The following NTNG1 variants were observed in gnomAD, a reference collection of about 807,000 sequenced individuals.
NTNG1 encodes the protein netrin-G1.
Under a neutral mutation model 54.0 loss-of-function variants are expected in NTNG1, and 16 were observed. The ratio of observed to expected loss-of-function variants is 0.30; its 90% CI spans 0.20 to 0.45. The LOEUF is 0.45. Ranked by LOEUF, NTNG1 falls within the 20% of genes least tolerant of loss-of-function variation. The pLI is 1.00. For missense variants in NTNG1, 530 were observed against 678.7 expected (o/e 0.78, Z 2.43); for synonymous variants, 255 against 263.1 (o/e 0.97, Z 0.30).
At chr1:107,350,694 A>AATGTCATTTGT (rs1669548368) in intron 3 of NTNG1, among the ~76,000 whole-genome samples, 1 of 152,202 alleles carries the variant, frequency 6.6e-6, no homozygotes, top group African/African-American at 2.4e-5. Context: ...ATTTGTGACA[A>AATGTCATTTGT]CATTGATGAG....
At chr1:107,400,769 C>T (rs1312387922) in intron 4 of NTNG1, among the ~76,000 whole-genome samples, 3 of 152,002 alleles carry the variant, frequency 2.0e-5, no homozygotes, top group Non-Finnish European at 4.4e-5. Context: ...CCACCTTAGC[C>T]TCCCAAGTAG....
intron 7 of NTNG1, among the ~76,000 whole-genome samples, chr1:107,443,528 G>A (rs1676111329): frequency 6.6e-6 from 1 of 151,968 alleles, no homozygotes; most frequent in South Asian, 2.1e-4. Context: ...CAAATATCTT[G>A]CGCCTAACTT....
chr1:107,149,612 T>C (rs1372676773), intron 2 of NTNG1, among the ~76,000 whole-genome samples: 3 of 152,172 alleles, frequency 2.0e-5, no homozygotes, highest in Non-Finnish European at 4.4e-5. Context: ...CATAGAAAGT[T>C]AAATACCATG....
intron 2 of NTNG1, among the ~76,000 whole-genome samples, chr1:107,167,714 T>TA (rs1224838418): frequency 6.6e-6 from 1 of 152,036 alleles, no homozygotes; most frequent in Non-Finnish European, 1.5e-5. Flanking sequence ...GGCACTGTCT[T>TA]AAATGCCTAA....
At chr1:107,437,708 A>T (rs577908793) in intron 7 of NTNG1, among the ~76,000 whole-genome samples, 34 of 152,310 alleles carry the variant, frequency 2.2e-4, no homozygotes, top group African/African-American at 7.9e-4. Context: ...AATAACTATT[A>T]TATTTAGCTC....
chr1:107,372,189 T>G (rs1016785215), intron 3 of NTNG1, among the ~76,000 whole-genome samples: 2 of 152,068 alleles, frequency 1.3e-5, no homozygotes, highest in African/African-American at 2.4e-5. Flanking sequence ...TGCTTTGGTA[T>G]TCATTAAGCA....
chr1:107,196,941 G>GGT (rs142364219), intron 2 of NTNG1, among the ~76,000 whole-genome samples: 10 of 151,408 alleles, frequency 6.6e-5, no homozygotes, highest in Non-Finnish European at 4.4e-5. Context: ...TTCTCGGGCG[G>GGT]GTGTGTGTGT....
At chr1:107,317,303 G>T (rs1667389877) in intron 2 of NTNG1, among the ~76,000 whole-genome samples, 1 of 152,048 alleles carries the variant, frequency 6.6e-6, no homozygotes, top group Non-Finnish European at 1.5e-5. Context: ...TTTAAAATCT[G>T]TGCTCTGATC....
rs17019055 is a variant in NTNG1, at chr1:107,434,694, A to G, written c.1256-1971A>G. ...AGACACTTTTAATACCTGTAAATCA[A>G]TTCTAGTATAACTTTTAAATGAAGC... On this transcript the variant is annotated intron_variant, in intron 6 of 7. Transcript: ENST00000370068. 5.8e-3 allele frequency among the ~76,000 whole-genome samples: 884 copies of G among 152,264 alleles called. 13 individuals are homozygous for G. The highest frequency in any genetic ancestry group is 0.02 in the African/African-American group (845 of 41,556).
At chr1:107,268,246 A>G (rs1557857321) in intron 2 of NTNG1, among the ~76,000 whole-genome samples, 1 of 152,056 alleles carries the variant, frequency 6.6e-6, no homozygotes, top group Non-Finnish European at 1.5e-5. Flanking sequence ...GGCTTTCTCT[A>G]CTTCTTTTAC....
chr1:107,448,926 G>A (rs1008183750), intron 7 of NTNG1, among the ~76,000 whole-genome samples: 1 of 151,940 alleles, frequency 6.6e-6, no homozygotes, highest in African/African-American at 2.4e-5. Flanking sequence ...ATTGCATTTG[G>A]TTATGAATAT....
chr1:107,383,756 T>G (rs1435081185), intron 3 of NTNG1, among the ~76,000 whole-genome samples: 3 of 152,236 alleles, frequency 2.0e-5, no homozygotes, highest in Non-Finnish European at 4.4e-5. Context: ...CTTAACACTA[T>G]GTTACCCTAT....
At chr1:107,460,320 C>T in intron 7 of NTNG1, 1 of 509,070 alleles carries the variant, frequency 2.0e-6, no homozygotes, top group South Asian at 1.5e-5. Context: ...CATGACATCG[C>T]TCCTCTGCTC....
chr1:107,208,090 G>A (rs1659330756), intron 2 of NTNG1, among the ~76,000 whole-genome samples: 1 of 152,126 alleles, frequency 6.6e-6, no homozygotes, highest in Non-Finnish European at 1.5e-5. Flanking sequence ...AGGCATGTGT[G>A]TTCCCTTGAG....
chr1:107,453,155 G>T (rs1676724888), intron 7 of NTNG1, among the ~76,000 whole-genome samples: 1 of 152,160 alleles, frequency 6.6e-6, no homozygotes, highest in African/African-American at 2.4e-5. Flanking sequence ...GTGAAAGAAA[G>T]AATTTTCTCT....
intron 3 of NTNG1, among the ~76,000 whole-genome samples, chr1:107,378,671 T>C (rs1460341812): frequency 6.6e-6 from 1 of 152,100 alleles, no homozygotes; most frequent in Non-Finnish European, 1.5e-5. Flanking sequence ...AAGCCCAAGG[T>C]ACAGGTTCAC....
intron 4 of NTNG1, among the ~76,000 whole-genome samples, chr1:107,397,326 C>G (rs1211803899): frequency 6.6e-6 from 1 of 152,190 alleles, no homozygotes; most frequent in Non-Finnish European, 1.5e-5. Flanking sequence ...AAACTATCTG[C>G]AGATCTGCAG....
intron 3 of NTNG1, among the ~76,000 whole-genome samples, chr1:107,348,554 A>G (rs973280677): frequency 3.9e-5 from 6 of 152,302 alleles, no homozygotes; most frequent in Admixed American, 1.3e-4. Context: ...TGTCAGATGC[A>G]CCAGCCTCAG....
At chr1:107,237,606 G>C (rs982339982) in intron 2 of NTNG1, among the ~76,000 whole-genome samples, 13 of 152,136 alleles carry the variant, frequency 8.5e-5, no homozygotes, top group African/African-American at 2.9e-4. Flanking sequence ...TTTGTGGGCT[G>C]GGCCCAGGGT....
Sources: gnomAD v4.1 joint callset for allele counts (sites outside exome capture counted in the v4.1 genomes callset) on GRCh38, gnomAD v4.1.1 for gene constraint, MANE v1.5 for transcripts, NCBI Gene and HGNC (gene_info 2026-07-23, HGNC 2026-07-21) for gene names.